Variants in PXDNL observed in about 807,000 individuals in gnomAD.
PXDNL encodes the protein probable oxidoreductase PXDNL.
A neutral mutation model predicts 150.8 loss-of-function variants in PXDNL; 145 were observed. The observed-to-expected ratio is 0.96, with a 90% confidence interval of 0.84 to 1.10. The LOEUF (loss-of-function observed/expected upper bound fraction) is 1.10, where lower values mean the gene tolerates loss of function less well. Among genes scored for constraint, PXDNL ranks in the 50% least tolerant of loss-of-function variants. The pLI, the probability that PXDNL is intolerant of heterozygous loss-of-function variation, is 0.00. For missense variants in PXDNL, 2,087 were observed against 1,873.9 expected (o/e 1.11, Z -2.10); for synonymous variants, 757 against 725.7 (o/e 1.04, Z -0.69).
intron 3 of PXDNL, among the ~76,000 whole-genome samples, chr8:51,576,126 A>G (rs1813046330): frequency 6.7e-6 from 1 of 150,144 alleles, no homozygotes; most frequent in Non-Finnish European, 1.5e-5. Context: ...ACAGAAAATC[A>G]CCCAAGAAAT....
intron 4 of PXDNL, among the ~76,000 whole-genome samples, chr8:51,520,139 C>T (rs1298578891): frequency 5.3e-5 from 8 of 152,012 alleles, no homozygotes; most frequent in African/African-American, 1.7e-4. Flanking sequence ...CCCTCCCACG[C>T]GGCAGGGAAA....
At chr8:51,401,196 AT>A (rs1314118297) in intron 17 of PXDNL, among the ~76,000 whole-genome samples, 1 of 152,248 alleles carries the variant, frequency 6.6e-6, no homozygotes, top group East Asian at 1.9e-4. Flanking sequence ...TAAAACTGGC[AT>A]TTAGAGTCAA....
At chr8:51,759,245 A>G (rs2037136045) in intron 1 of PXDNL, among the ~76,000 whole-genome samples, 1 of 152,070 alleles carries the variant, frequency 6.6e-6, no homozygotes, top group Non-Finnish European at 1.5e-5. Flanking sequence ...GTCTCTGTCC[A>G]AATTTATTCC....
intron 17 of PXDNL, among the ~76,000 whole-genome samples, chr8:51,376,290 A>G (rs1807308042): frequency 6.6e-6 from 1 of 152,202 alleles, no homozygotes; most frequent in African/African-American, 2.4e-5. Context: ...TTATTCCTCG[A>G]CACATTGTAA....
intron 19 of PXDNL, among the ~76,000 whole-genome samples, chr8:51,360,882 A>T (rs1312525149): frequency 6.6e-6 from 1 of 152,162 alleles, no homozygotes; most frequent in East Asian, 1.9e-4. Flanking sequence ...CTTCCACCAC[A>T]TGGCTGTGCT....
intron 4 of PXDNL, among the ~76,000 whole-genome samples, chr8:51,520,162 T>C (rs893497199): frequency 1.3e-5 from 2 of 152,126 alleles, no homozygotes; most frequent in Admixed American, 6.5e-5. Context: ...GAAAGAATTA[T>C]CACAGTGCTG....
intron 7 of PXDNL, among the ~76,000 whole-genome samples, chr8:51,473,633 A>C (rs900548130): frequency 6.6e-6 from 1 of 151,962 alleles, no homozygotes; most frequent in African/African-American, 2.4e-5. Flanking sequence ...TAGGAGATAT[A>C]CCTAATGTTA....
chr8:51,740,026 T>C (rs2036887559), intron 1 of PXDNL, among the ~76,000 whole-genome samples: 1 of 152,154 alleles, frequency 6.6e-6, no homozygotes, highest in Admixed American at 6.6e-5. Flanking sequence ...AATTACAAAA[T>C]GCTGATTAAA....
At chr8:51,370,846 C>T (rs148852100) in intron 19 of PXDNL, among the ~76,000 whole-genome samples, 1,810 of 152,362 alleles carry the variant, frequency 0.012, 28 homozygotes, top group African/African-American at 0.04. Flanking sequence ...ATCCACCCAC[C>T]TTGGCTTCCC....
chr8:51,743,275 C>T (rs548648514), intron 1 of PXDNL, among the ~76,000 whole-genome samples: 45 of 152,184 alleles, frequency 3.0e-4, no homozygotes, highest in African/African-American at 8.9e-4. Context: ...TGGAATGCAG[C>T]GGCATGATCT....
At chr8:51,771,988 G>A (rs1204055910) in intron 1 of PXDNL, among the ~76,000 whole-genome samples, 1 of 152,008 alleles carries the variant, frequency 6.6e-6, no homozygotes, top group Non-Finnish European at 1.5e-5. Flanking sequence ...GAGAGAGTGG[G>A]TCATGTGAGG....
At chr8:51,328,633 C>A (rs1433800316) in intron 21 of PXDNL, among the ~76,000 whole-genome samples, 1 of 152,104 alleles carries the variant, frequency 6.6e-6, no homozygotes, top group African/African-American at 2.4e-5. Context: ...ACTTCCCGAA[C>A]TAAAATGCAA....
chr8:51,639,896 A>G (rs1333479080), intron 2 of PXDNL, among the ~76,000 whole-genome samples: 1 of 152,076 alleles, frequency 6.6e-6, no homozygotes, highest in Non-Finnish European at 1.5e-5. Context: ...AAGAGACGCA[A>G]CCAAAAAAGA....
chr8:51,362,041 C>T lies in PXDNL; in HGVS notation c.3901+9832G>A, dbSNP rs182817150. The stretch of plus-strand genomic sequence containing the variant: ...GATGCCTATTGATAGGCAAAAGCTT[C>T]TAAAAAGATTTTAATATCTTTACTG... On this transcript the variant is annotated intron_variant, in intron 19 of 22. Coordinates refer to ENST00000356297, the MANE Select transcript of PXDNL (RefSeq NM_144651.5). Among the ~76,000 whole-genome samples, 3 of 149,840 alleles carry T rather than the reference C, an allele frequency of 2.0e-5. No homozygotes were observed. In the East Asian group the frequency reaches 5.9e-4, roughly 30 times the overall value.
chr8:51,356,307 G>C (rs1401149615), intron 19 of PXDNL, among the ~76,000 whole-genome samples: 1 of 152,062 alleles, frequency 6.6e-6, no homozygotes, highest in Non-Finnish European at 1.5e-5. Flanking sequence ...TGGCCAACAT[G>C]GTGAAACCCC....
intron 2 of PXDNL, among the ~76,000 whole-genome samples, chr8:51,653,239 A>G (rs1049693417): frequency 1.3e-5 from 2 of 152,038 alleles, no homozygotes; most frequent in Non-Finnish European, 2.9e-5. Context: ...CCAACATGGC[A>G]AAACCCTGTC....
intron 1 of PXDNL, among the ~76,000 whole-genome samples, chr8:51,675,988 C>T (rs757977832): frequency 1.3e-5 from 2 of 152,114 alleles, no homozygotes; most frequent in African/African-American, 2.4e-5. Flanking sequence ...TCATCCATTG[C>T]ATAACATTCA....
intron 2 of PXDNL, among the ~76,000 whole-genome samples, chr8:51,625,997 T>C (rs904734939): frequency 6.6e-6 from 1 of 152,208 alleles, no homozygotes; most frequent in Admixed American, 6.5e-5. Context: ...ATAAGTTCTT[T>C]TACATACAAA....
intron 4 of PXDNL, among the ~76,000 whole-genome samples, chr8:51,521,576 A>T (rs1811665447): frequency 6.6e-6 from 1 of 152,154 alleles, no homozygotes; most frequent in Admixed American, 6.5e-5. Flanking sequence ...AAAGAAATAA[A>T]CAATGGCTTT....
Sources: allele counts gnomAD v4.1 joint callset (sites outside exome capture counted in the v4.1 genomes callset), GRCh38; gene constraint gnomAD v4.1.1; transcripts MANE v1.5; gene names NCBI Gene and HGNC (gene_info 2026-07-23, HGNC 2026-07-21).